GNPTAB: variants seen among roughly 807,000 people sequenced by gnomAD.
The protein encoded by GNPTAB is N-acetylglucosamine-1-phosphotransferase subunits alpha/beta.
Under a neutral mutation model 136.6 loss-of-function variants are expected in GNPTAB, and 92 were observed. The observed-to-expected ratio is 0.67, with a 90% CI of 0.57 to 0.80. GNPTAB has a LOEUF of 0.80. Among genes scored for constraint, GNPTAB ranks in the 30% least tolerant of loss-of-function variants. GNPTAB has a pLI of 0.00. For synonymous variants in GNPTAB, 512 were observed against 535.1 expected, an observed-to-expected ratio of 0.96 and a Z score of 0.60; for missense variants, 1,343 against 1,501.8, an observed-to-expected ratio of 0.89 and a Z score of 1.75.
At chr12:101,765,523 T>C in intron 12 of GNPTAB, 1 of 557,610 alleles carries the variant, frequency 1.8e-6, no homozygotes, top group Non-Finnish European at 3.2e-6. Flanking sequence ...GTTTTCACTT[T>C]CTAAGAGTGA....
chr12:101,819,828 C>A (rs535852720), intron 1 of GNPTAB, among the ~76,000 whole-genome samples: 1 of 152,140 alleles, frequency 6.6e-6, no homozygotes, highest in South Asian at 2.1e-4. Context: ...TATAGTTACA[C>A]CTGTTATATT....
chr12:101,788,428 G>T, intron 4 of GNPTAB, 120 bp downstream of exon 4: 2 of 737,494 alleles, frequency 2.7e-6, no homozygotes, highest in South Asian at 2.9e-5. Context: ...CTAATTTGGG[G>T]TCAAAAACTA....
intron 1 of GNPTAB, among the ~76,000 whole-genome samples, chr12:101,811,568 G>C (rs1314644412): frequency 6.6e-6 from 1 of 151,570 alleles, no homozygotes; most frequent in Admixed American, 6.6e-5. Context: ...AGAAGGCGAA[G>C]GTGAAATTGG....
intron 7 of GNPTAB, chr12:101,773,400 C>T (rs1457323453): frequency 3.9e-5 from 11 of 279,128 alleles, no homozygotes; most frequent in Non-Finnish European, 2.8e-5. Context: ...TCCCGAAGCT[C>T]GTTCACTTTG....
At chr12:101,773,536 G>A (rs188997972) in intron 7 of GNPTAB, 1 of 159,132 alleles carries the variant, frequency 6.3e-6, no homozygotes, top group East Asian at 1.9e-4. Context: ...AACTTGTGTT[G>A]GCTCTTTGTT....
In GNPTAB at chr12:101,757,631, T is replaced by C; in HGVS notation, c.3276A>G (p.Thr1092=). Residue 1092 remains threonine, a synonymous_variant, in exon 17 of 21, where the codon ACA becomes ACG. Transcript: ENST00000299314. ...NLPPVTKSLV[T]NCKPVTDKIH... is the part of the protein sequence containing the mutation. ...TTTTGTCAGTTACTGGTTTACAGTTTGTTACTAGACTTTTAGTGACCGGTG... is the reference window on the plus strand; with the variant it reads ...TTTTGTCAGTTACTGGTTTACAGTTCGTTACTAGACTTTTAGTGACCGGTG... The C allele has an allele frequency of 6.3e-7, 1 of 1,585,272 alleles. No homozygotes were observed. Among genetic ancestry groups the C allele is most frequent in the Non-Finnish European group, 8.7e-7 (1 of 1,154,030 alleles).
chr12:101,762,180 G>A (rs1325387936), intron 13 of GNPTAB, among the ~76,000 whole-genome samples: 2 of 152,132 alleles, frequency 1.3e-5, no homozygotes, highest in East Asian at 3.8e-4. Flanking sequence ...AGTTTTAAGC[G>A]CAAGGACTAG....
intron 1 of GNPTAB, among the ~76,000 whole-genome samples, chr12:101,806,934 G>T (rs1470182460): frequency 2.0e-5 from 3 of 152,018 alleles, no homozygotes; most frequent in African/African-American, 7.2e-5. Flanking sequence ...CATTCTATGA[G>T]GCCAAAACTA....
At chr12:101,769,595 T>C (rs945986344) in intron 10 of GNPTAB, among the ~76,000 whole-genome samples, 1 of 152,082 alleles carries the variant, frequency 6.6e-6, no homozygotes, top group African/African-American at 2.4e-5. Flanking sequence ...TATATCTATA[T>C]ATATTTTTTT....
intron 11 of GNPTAB, 156 bp downstream of exon 11, chr12:101,767,881 G>T: frequency 1.2e-6 from 1 of 868,790 alleles, no homozygotes; most frequent in South Asian, 1.4e-5. Context: ...GCTTTGCAAA[G>T]CACTGGATTA....
chr12:101,806,453 G>T (rs1869939647), intron 1 of GNPTAB, among the ~76,000 whole-genome samples: 1 of 152,122 alleles, frequency 6.6e-6, no homozygotes, highest in Non-Finnish European at 1.5e-5. Context: ...TCCTGTTTGG[G>T]GCGATGAAAA....
intron 7 of GNPTAB, among the ~76,000 whole-genome samples, chr12:101,775,008 T>C (rs1953240008): frequency 6.6e-6 from 1 of 152,168 alleles, no homozygotes; most frequent in Non-Finnish European, 1.5e-5. Flanking sequence ...TATCTGCAAA[T>C]ACTCCCGAAG....
At chr12:101,812,479 G>T (rs1870288788) in intron 1 of GNPTAB, among the ~76,000 whole-genome samples, 3 of 152,258 alleles carry the variant, frequency 2.0e-5, no homozygotes, top group Middle Eastern at 6.8e-3. Flanking sequence ...AGTTGGGCTG[G>T]GCACAGTGGC....
intron 18 of GNPTAB, among the ~76,000 whole-genome samples, chr12:101,755,625 C>T (rs183673290): frequency 6.6e-6 from 1 of 152,336 alleles, no homozygotes; most frequent in Admixed American, 6.5e-5. Flanking sequence ...AAAACAAAGC[C>T]TGGAGATTGT....
At chr12:101,769,894 G>A (rs1953145145) in intron 10 of GNPTAB, 127 bp downstream of exon 10, 1 of 974,900 alleles carries the variant, frequency 1.0e-6, no homozygotes, top group Non-Finnish European at 1.6e-6. Context: ...GCCTCCCAAA[G>A]TACTGGGATT....
chr12:101,769,765 C>T (rs1053077976), intron 10 of GNPTAB, among the ~76,000 whole-genome samples: 1 of 151,606 alleles, frequency 6.6e-6, no homozygotes, highest in African/African-American at 2.4e-5. Context: ...GCAGCTGGGA[C>T]TACATGAGTA....
At chr12:101,760,255 A>G (rs568795451) in intron 15 of GNPTAB, 112 bp from the exon 16 acceptor site, 36 of 731,354 alleles carry the variant, frequency 4.9e-5, no homozygotes, top group South Asian at 4.9e-4. Context: ...GCTATCTTCA[A>G]AGAGAGTCTG....
rs767116637 is a variant in GNPTAB, at chr12:101,771,083, C to T, written c.846G>A (p.Lys282=). ...NNPKDFQELN[K]QTKKNMTIDG... is the part of the protein sequence containing the mutation. ...CAATGGTCATGTTCTTCTTAGTTTG[C>T]TTATTCAATTCTTGAAAATCCTTGG... The change falls in exon 8 of 21, where the codon AAG becomes AAA. Residue 282 remains lysine (K), a synonymous_variant. Coordinates refer to ENST00000299314, the MANE Select transcript of GNPTAB (RefSeq NM_024312.5). 12 of 1,613,802 alleles carry T rather than the reference C, an allele frequency of 7.4e-6. No individual in the cohort carries two copies. The highest frequency in any genetic ancestry group is 1.0e-5 in the Non-Finnish European group (12 of 1,179,720).
intron 1 of GNPTAB, among the ~76,000 whole-genome samples, chr12:101,803,922 T>C (rs1225088641): frequency 6.6e-6 from 1 of 151,844 alleles, no homozygotes; most frequent in Non-Finnish European, 1.5e-5. Flanking sequence ...GGAAGAAAAT[T>C]GTATTAGAAG....
Sources: gnomAD v4.1 joint callset for allele counts (sites outside exome capture counted in the v4.1 genomes callset) on GRCh38, gnomAD v4.1.1 for gene constraint, MANE v1.5 for transcripts, NCBI Gene and HGNC (gene_info 2026-07-23, HGNC 2026-07-21) for gene names.